RNF19A: variants seen among roughly 807,000 people sequenced by gnomAD.
RNF19A encodes the protein E3 ubiquitin-protein ligase RNF19A.
RNF19A carries 32 observed loss-of-function variants against 75.7 expected under a neutral mutation model. The ratio of observed to expected loss-of-function variants is 0.42; its 90% confidence interval spans 0.32 to 0.57. RNF19A has a LOEUF of 0.57. Ranked by LOEUF, RNF19A falls within the 20% of genes least tolerant of loss-of-function variation. RNF19A has a pLI of 0.10. For synonymous variants in RNF19A, 335 were observed against 345.2 expected (o/e 0.97, Z 0.33); for missense variants, 782 against 1,036.3 (o/e 0.75, Z 3.37).
At chr8:100,328,487 T>C (rs1235200957) in intron 1 of RNF19A, among the ~76,000 whole-genome samples, 1 of 152,060 alleles carries the variant, frequency 6.6e-6, no homozygotes, top group Middle Eastern at 3.2e-3. Context: ...GCTTTTTTTT[T>C]TTGAGACAGA....
rs745515977 is a variant in RNF19A, at chr8:100,261,721, T to TGGG, written c.1500_1502dup (p.Pro501dup). ...CACCAACACTTCCCTCCCCTATGCT[T>TGGG]GGGTTGTGTCTTGCTTCTGCTACTG... On this transcript the variant is annotated inframe_insertion, in exon 8 of 10. Transcript: ENST00000341084. This position sits in a 1 kb window ranked among gnomAD's most constrained non-coding sequence, Gnocchi z 4.4. 3 of 1,614,180 alleles carry TGGG rather than the reference T, an allele frequency of 1.9e-6. No homozygotes were observed. Among genetic ancestry groups the TGGG allele is most frequent in the Non-Finnish European group, 2.5e-6 (3 of 1,180,014 alleles).
At chr8:100,301,297 G>A (rs1821815555) in intron 1 of RNF19A, among the ~76,000 whole-genome samples, 1 of 152,200 alleles carries the variant, frequency 6.6e-6, no homozygotes, top group Admixed American at 6.5e-5. Context: ...TAAAGGCTCA[G>A]CATTCTTTCT....
At chr8:100,266,292 C>T (rs1225912836) in intron 5 of RNF19A, among the ~76,000 whole-genome samples, 1 of 152,104 alleles carries the variant, frequency 6.6e-6, no homozygotes, top group Non-Finnish European at 1.5e-5. Context: ...ATTTACAACC[C>T]TTTGGGTACA....
chr8:100,320,442 G>C (rs1822450427), intron 1 of RNF19A, among the ~76,000 whole-genome samples: 1 of 152,196 alleles, frequency 6.6e-6, no homozygotes. Context: ...TATATGCCTA[G>C]AAGCAGAATT....
chr8:100,326,137 C>A lies in RNF19A; in HGVS notation c.-243+9971G>T, dbSNP rs144629744. Among the ~76,000 whole-genome samples the A allele has an allele frequency of 2.8e-3, 419 of 152,284 alleles. 3 individuals are homozygous for A. Among genetic ancestry groups the A allele is most frequent in the African/African-American group, 9.4e-3 (389 of 41,564 alleles). On this transcript the variant is annotated intron_variant, in intron 1 of 3. Transcript: ENST00000519527. ...TCTCCACCCTTGACCTCATTTCCAG[C>A]CTGGCTTTCATCACCCTCACATGCA...
Position 100,322,653 on chromosome 8 carries a change from T to G in RNF19A, c.-242-9281A>C, listed in dbSNP as rs1257599229. Among the ~76,000 whole-genome samples the G allele has an allele frequency of 1.3e-5, 2 of 152,240 alleles. No individual in the cohort carries two copies. The highest frequency in any genetic ancestry group is 4.8e-5 in the African/African-American group (2 of 41,458). On this transcript the variant is annotated intron_variant, in intron 1 of 3. Transcript: ENST00000519527. The surrounding 1 kb of genome is among the most constrained non-coding windows in gnomAD (Gnocchi z 5.1). ...GCCTATCTCAGCTTTTGGCCTGCCT[T>G]CCTCATTAAGCTTAATCATTTCTTG...
upstream of RNF19A, among the ~76,000 whole-genome samples, chr8:100,314,616 GCTAA>G (rs929982133): frequency 9.9e-5 from 15 of 152,082 alleles, no homozygotes; most frequent in African/African-American, 3.4e-4. The surrounding 1 kb of genome is among the most constrained non-coding windows in gnomAD (Gnocchi z 4.1). Context: ...CACACACCCT[GCTAA>G]CTTTCTTTCT....
At chr8:100,297,378 A>G (rs1821616532) in intron 1 of RNF19A, among the ~76,000 whole-genome samples, 1 of 152,326 alleles carries the variant, frequency 6.6e-6, no homozygotes, top group South Asian at 2.1e-4. Context: ...TCTCTGTATC[A>G]TCTGTAAAAT....
chr8:100,316,332 C>T (rs1020954637), intron 1 of RNF19A, among the ~76,000 whole-genome samples: 1 of 152,082 alleles, frequency 6.6e-6, no homozygotes, highest in African/African-American at 2.4e-5. Flanking sequence ...ACGAAGCTTC[C>T]ACAGTGTGGA....
rs149229221 is a variant in RNF19A at position 100,276,267 on chromosome 8, A to C, written c.675-1106T>G. ...ACACACTACCATCAATAAAGAAAGT[A>C]TTGATGCAAGTAACACCTTAGGTGA... On this transcript the variant is annotated intron_variant, in intron 2 of 9. Transcript: ENST00000341084. Among the ~76,000 whole-genome samples, 238 of 152,358 alleles carry C rather than the reference A, an allele frequency of 1.6e-3. 1 individual carries two copies. The highest frequency in any genetic ancestry group is 5.5e-3 in the African/African-American group (228 of 41,580).
chr8:100,296,353 C>T (rs2130076597), intron 1 of RNF19A, among the ~76,000 whole-genome samples: 1 of 152,332 alleles, frequency 6.6e-6, no homozygotes, highest in South Asian at 2.1e-4. Flanking sequence ...GATTTTCCTG[C>T]CTCTGCCTCC....
At chr8:100,265,982 T>G (rs550745853) in intron 5 of RNF19A, among the ~76,000 whole-genome samples, 5 of 152,168 alleles carry the variant, frequency 3.3e-5, no homozygotes, top group Non-Finnish European at 7.3e-5. Context: ...AACTTAGCAC[T>G]GAAGAAGAGA....
At position 100,264,167 on chromosome 8, in the gene RNF19A, A is replaced by G. The variant is rs1036051461; in HGVS notation, c.1335T>C (p.Tyr445=). 1 of 1,613,092 alleles carries G rather than the reference A, an allele frequency of 6.2e-7. No homozygotes were observed. The highest frequency in any genetic ancestry group is 1.3e-5 in the African/African-American group (1 of 74,898). ...GAGAAATTGGAACTACGCCATAGAC[A>G]TAAGCTAACATAATAGGAACACCGA... ...VGIGVPIMLA[Y]VYGVVPISLC... Residue 445 remains tyrosine (Y), a synonymous_variant, in exon 7 of 10, where the codon TAT becomes TAC. Coordinates refer to ENST00000341084, the MANE Select transcript of RNF19A (RefSeq NM_183419.4). This position sits in a 1 kb window ranked among gnomAD's most constrained non-coding sequence, Gnocchi z 4.7.
rs1563828633 is a variant in RNF19A at position 100,258,845 on chromosome 8, C to T, written c.2228G>A (p.Cys743Tyr). 2.5e-6 allele frequency: 4 copies of T among 1,614,126 alleles called. No homozygotes were observed. The highest frequency in any genetic ancestry group is 1.7e-5 in the Admixed American group (1 of 60,020). The change falls in exon 10 of 10, where the codon TGT (cysteine) becomes TAT (tyrosine). Residue 743 changes from cysteine (C) to tyrosine (Y), a missense_variant. By Grantham distance (194) the Cys-to-Tyr change is radical. Coordinates refer to ENST00000341084, the MANE Select transcript of RNF19A (RefSeq NM_183419.4). The surrounding 1 kb of genome is among the most constrained non-coding windows in gnomAD (Gnocchi z 4.3). ...GTGATAATCACTGGAACCATGACTACAAGAAGTTTTCATGCTTTCTAGGTC... is the reference window on the plus strand; with the variant it reads ...GTGATAATCACTGGAACCATGACTATAAGAAGTTTTCATGCTTTCTAGGTC... ...CSDLESMKTS[C>Y]SHGSSDYHTR...
chr8:100,295,235 A>G (rs1017139618), intron 1 of RNF19A, among the ~76,000 whole-genome samples: 2 of 152,246 alleles, frequency 1.3e-5, no homozygotes, highest in East Asian at 1.9e-4. Flanking sequence ...ACATACATAT[A>G]TGGTAGTCCC....
At chr8:100,272,286 A>G (rs1820294657) in intron 3 of RNF19A, among the ~76,000 whole-genome samples, 2 of 152,156 alleles carry the variant, frequency 1.3e-5, no homozygotes, top group Non-Finnish European at 2.9e-5. Flanking sequence ...TATAAACATT[A>G]TACTATAAAT....
Position 100,326,725 on chromosome 8 carries a change from C to A in RNF19A, c.-243+9383G>T, listed in dbSNP as rs529359387. ...CCTTCTTCCCTCTTCCAAGACCTTA[C>A]TCCTTATGGGCCTTAATATTTTTTA... On this transcript the variant is annotated intron_variant, in intron 1 of 3. Coordinates refer to the RNF19A transcript ENST00000519527. Among the ~76,000 whole-genome samples the A allele has an allele frequency of 3.3e-5, 5 of 152,336 alleles. No individual in the cohort carries two copies. In the East Asian group the frequency reaches 9.6e-4, roughly 29 times the overall value.
intron 1 of RNF19A, among the ~76,000 whole-genome samples, chr8:100,298,162 T>C (rs1278664692): frequency 2.0e-5 from 3 of 147,954 alleles, no homozygotes; most frequent in African/African-American, 5.1e-5. Flanking sequence ...TCTGAGAAGA[T>C]AGCACAAATG....
chr8:100,324,561 C>T lies in RNF19A; in HGVS notation c.-242-11189G>A, dbSNP rs1822503662. 6.6e-6 allele frequency among the ~76,000 whole-genome samples: 1 copy of T among 152,186 alleles called. No individual in the cohort carries two copies. Among genetic ancestry groups the T allele is most frequent in the Non-Finnish European group, 1.5e-5 (1 of 68,032 alleles). On this transcript the variant is annotated intron_variant, in intron 1 of 3. Transcript: ENST00000519527. This position sits in a 1 kb window ranked among gnomAD's most constrained non-coding sequence, Gnocchi z 4.2. ...CATTCTCTCCTCTGTCCAAACCCTA[C>T]TCCCACTTTACCCCCATCTAGTAAT...
Sources: gnomAD v4.1 joint callset for allele counts (sites outside exome capture counted in the v4.1 genomes callset) on GRCh38, gnomAD v4.1.1 for gene constraint, Gnocchi (gnomAD v3.1) non-coding constraint, MANE v1.5 for transcripts, NCBI Gene and HGNC (gene_info 2026-07-23, HGNC 2026-07-21) for gene names.